ULK2: variants seen among roughly 807,000 people sequenced by gnomAD.
ULK2 encodes serine/threonine-protein kinase ULK2.
A neutral mutation model predicts 127.5 loss-of-function variants in ULK2; 76 were observed. The ratio of observed to expected loss-of-function variants is 0.60; its 90% CI spans 0.50 to 0.72. ULK2 has a LOEUF of 0.72. Ranked by LOEUF, ULK2 falls within the 30% of genes least tolerant of loss-of-function variation. ULK2 has a pLI of 0.00. For missense variants in ULK2, 1,144 were observed against 1,295.9 expected, an observed-to-expected ratio of 0.88 and a Z score of 1.80; for synonymous variants, 452 against 461.9, an observed-to-expected ratio of 0.98 and a Z score of 0.28.
intron 23 of ULK2, 99 bp from the exon 24 acceptor site, chr17:19,781,203 G>A: frequency 2.5e-6 from 2 of 806,604 alleles, no homozygotes; most frequent in Non-Finnish European, 3.9e-6. Context: ...TTTCTATAAA[G>A]GAATAGCATC....
At chr17:19,787,824 G>A (rs979921789) in intron 20 of ULK2, among the ~76,000 whole-genome samples, 2 of 152,196 alleles carry the variant, frequency 1.3e-5, no homozygotes, top group Non-Finnish European at 2.9e-5. Flanking sequence ...GGGTAGGAAA[G>A]GCAGTCTTGA....
intron 3 of ULK2, among the ~76,000 whole-genome samples, chr17:19,855,073 C>T (rs2042095211): frequency 1.4e-5 from 2 of 144,522 alleles, no homozygotes; most frequent in African/African-American, 5.2e-5. Flanking sequence ...GTACTCCAGA[C>T]TTGGCAAAAG....
rs771364003 is a variant in ULK2, at chr17:19,825,116, G to T, written c.902C>A (p.Ser301Tyr). Residue 301 changes from serine (S) to tyrosine (Y), a missense_variant, in exon 12 of 27, where the codon TCT (serine) becomes TAT (tyrosine). Transcript: ENST00000395544. ...VSGSSCGSSPSCRFASPPSLP... is the reference protein window; with the variant it reads ...VSGSSCGSSPYCRFASPPSLP... The stretch of plus-strand genomic sequence containing the variant: ...TACTGGTGGAGAAGCAAAACGACAA[G>T]ATGGAGAGCTGCCACAGGAGCTTCC... 6 of 1,614,186 alleles carry T rather than the reference G, an allele frequency of 3.7e-6. No homozygotes were observed. In the South Asian group the frequency reaches 6.6e-5, roughly 18 times the overall value.
At chr17:19,852,945 C>T (rs867401397) in intron 3 of ULK2, among the ~76,000 whole-genome samples, 4 of 151,906 alleles carry the variant, frequency 2.6e-5, no homozygotes, top group African/African-American at 7.2e-5. Flanking sequence ...CCACCGTGCA[C>T]GGCCAATTTT....
intron 20 of ULK2, among the ~76,000 whole-genome samples, chr17:19,787,643 G>T (rs1159446219): frequency 6.6e-6 from 1 of 152,158 alleles, no homozygotes. Context: ...TCTTTTCAAA[G>T]ACATAAAATT....
At chr17:19,847,476 T>C (rs1211368757) in intron 5 of ULK2, among the ~76,000 whole-genome samples, 3 of 152,194 alleles carry the variant, frequency 2.0e-5, no homozygotes, top group Non-Finnish European at 4.4e-5. Flanking sequence ...ACCTTAAGAA[T>C]AAATGTTTTA....
chr17:19,842,816 A>T (rs1227054816), intron 8 of ULK2, among the ~76,000 whole-genome samples: 3 of 152,110 alleles, frequency 2.0e-5, no homozygotes, highest in Non-Finnish European at 4.4e-5. Context: ...CCGGGATCCC[A>T]AAACCAGGCT....
chr17:19,828,912 A>G (rs1451306550), intron 10 of ULK2, among the ~76,000 whole-genome samples: 2 of 152,156 alleles, frequency 1.3e-5, no homozygotes, highest in African/African-American at 4.8e-5. Context: ...AACATGGTGA[A>G]ACCAAAAATA....
At chr17:19,865,624 T>C (rs2042336115) in intron 2 of ULK2, 112 bp downstream of exon 2, 3 of 567,242 alleles carry the variant, frequency 5.3e-6, no homozygotes, top group Admixed American at 4.4e-5. Flanking sequence ...AGAGCAACAG[T>C]TGAAAATTCT....
intron 25 of ULK2, among the ~76,000 whole-genome samples, chr17:19,778,651 C>T (rs191162286): frequency 2.6e-4 from 39 of 152,200 alleles, no homozygotes; most frequent in African/African-American, 7.9e-4. Flanking sequence ...GATGGGGTCT[C>T]GCTCTGTTGC....
intron 13 of ULK2, among the ~76,000 whole-genome samples, chr17:19,814,429 TATATATA>T (rs1567696422): frequency 2.2e-3 from 36 of 16,710 alleles, no homozygotes; most frequent in Admixed American, 5.4e-3. Flanking sequence ...TATATATATA[TATATATA>T]TATTTTTTTT....
rs769678404 is a variant in ULK2, at chr17:19,783,788, A to G, written c.2369T>C (p.Leu790Pro). 6.2e-7 allele frequency: 1 copy of G among 1,603,064 alleles called. No homozygotes were observed. Among genetic ancestry groups the G allele is most frequent in the Non-Finnish European group, 8.5e-7 (1 of 1,174,240 alleles). ...SPPGAEAAPSLRYVPYGASPP... is the reference protein window; with the variant it reads ...SPPGAEAAPSPRYVPYGASPP... Reference sequence around the variant, plus strand: ...TGAAGCACCGTAAGGCACGTATCTCAGGCTGGGAGCTGCCTCTGCTCCTGG... The same window carrying G: ...TGAAGCACCGTAAGGCACGTATCTCGGGCTGGGAGCTGCCTCTGCTCCTGG... The change falls in exon 22 of 27, where the codon CTG (leucine) becomes CCG (proline). Residue 790 changes from leucine (L) to proline (P), a missense_variant. Around this residue, in one of 2 missense-constraint regions of ULK2, gnomAD observed 913 missense variants for 970.5 expected, o/e 0.94. Transcript: ENST00000395544.
intron 10 of ULK2, among the ~76,000 whole-genome samples, chr17:19,837,011 A>C (rs2041614823): frequency 6.6e-6 from 1 of 152,016 alleles, no homozygotes; most frequent in Non-Finnish European, 1.5e-5. Context: ...ACTTGCACCC[A>C]GGAGTTCAAG....
intron 3 of ULK2, among the ~76,000 whole-genome samples, chr17:19,853,618 C>T (rs1322351733): frequency 1.3e-5 from 2 of 150,672 alleles, no homozygotes; most frequent in African/African-American, 4.9e-5. Flanking sequence ...ATTGCCCAGG[C>T]TGGAGTGCAG....
intron 13 of ULK2, among the ~76,000 whole-genome samples, chr17:19,812,268 G>A (rs1315756091): frequency 6.6e-6 from 1 of 152,190 alleles, no homozygotes; most frequent in Non-Finnish European, 1.5e-5. Flanking sequence ...TTTTTGGTAA[G>A]TGAATAGATT....
intron 3 of ULK2, among the ~76,000 whole-genome samples, chr17:19,855,471 G>C (rs192489415): frequency 1.3e-5 from 2 of 150,826 alleles, no homozygotes; most frequent in African/African-American, 4.9e-5. Flanking sequence ...GTGGTAGCAG[G>C]TGCCTGTAAT....
At chr17:19,824,838 T>C (rs2041248819) in intron 12 of ULK2, among the ~76,000 whole-genome samples, 1 of 152,240 alleles carries the variant, frequency 6.6e-6, no homozygotes, top group African/African-American at 2.4e-5. Context: ...AAGAAGGTGA[T>C]AGTGCTATAC....
intron 10 of ULK2, among the ~76,000 whole-genome samples, chr17:19,834,251 A>G (rs991028456): frequency 6.6e-6 from 1 of 152,172 alleles, no homozygotes; most frequent in Non-Finnish European, 1.5e-5. Flanking sequence ...GTGAAGGGAA[A>G]TAAAGGGAAA....
chr17:19,781,242 CTTTTT>C (rs200296663), intron 23 of ULK2, 138 bp from the exon 24 acceptor site: 599 of 470,370 alleles, frequency 1.3e-3, no homozygotes, highest in East Asian at 1.9e-3. Flanking sequence ...TCTTTCTTTT[CTTTTT>C]TTTTTTTTTT....
Sources: gnomAD v4.1 joint callset for allele counts (sites outside exome capture counted in the v4.1 genomes callset) on GRCh38, gnomAD v4.1.1 for gene constraint, gnomAD v4.1.1 regional missense constraint, MANE v1.5 for transcripts, NCBI Gene and HGNC (gene_info 2026-07-23, HGNC 2026-07-21) for gene names.